The following ANO1 variants were observed in gnomAD, a reference collection of about 807,000 sequenced individuals.
ANO1 encodes anoctamin-1.
In ANO1, 59 loss-of-function variants were observed where a neutral mutation model predicts 124.0. The observed-to-expected ratio is 0.48, with a 90% CI of 0.39 to 0.59. The LOEUF (loss-of-function observed/expected upper bound fraction) is 0.59. Among genes scored for constraint, ANO1 ranks in the 20% least tolerant of loss-of-function variants. ANO1 has a pLI of 0.00. For synonymous variants in ANO1, 529 were observed against 532.0 expected (o/e 0.99, Z 0.08); for missense variants, 1,059 against 1,328.0 (o/e 0.80, Z 3.15).
rs1856486926 is a variant in ANO1, at chr11:70,006,546, C to CT, written c.58+20382dup. Among the ~76,000 whole-genome samples the CT allele has an allele frequency of 6.4e-5, 8 of 124,562 alleles. No individual in the cohort carries two copies. In the Admixed American group the frequency reaches 7.0e-4, roughly 11 times the overall value. The allele number at this position is 124,562 out of a possible 152,430, so 81.7% of individuals were successfully genotyped here. On this transcript the variant is annotated intron_variant, in intron 1 of 27. Coordinates refer to the ANO1 transcript ENST00000531349. Reference sequence around the variant, plus strand: ...ACAGCCTGTATTTCACTCTTTCTTTCTTCCTTTCTTTCTTTCTTTTCTTTC... The same window carrying CT: ...ACAGCCTGTATTTCACTCTTTCTTTCTTTCCTTTCTTTCTTTCTTTTCTTTC...
chr11:70,185,500 T>C (rs2049079358), intron 24 of ANO1, 90 bp from the exon 25 acceptor site: 2 of 1,224,516 alleles, frequency 1.6e-6, no homozygotes, highest in African/African-American at 3.0e-5. Flanking sequence ...AAGCTGAGCC[T>C]CTCCCAGGCG....
chr11:70,133,983 C>T (rs2046859520), intron 11 of ANO1, among the ~76,000 whole-genome samples: 1 of 152,232 alleles, frequency 6.6e-6, no homozygotes, highest in African/African-American at 2.4e-5. Context: ...CAGCTCTGAG[C>T]ATGGGTGCCG....
rs1463856235 is a variant in ANO1 at position 70,058,829 on chromosome 11, G to A, written c.59-19713G>A. ...GAAGATTGAAGACGGTAAGGGGTAT[G>A]AAGGTTCCACTGAATACCGAGAGCC... is the stretch of plus-strand genomic sequence containing the variant. On this transcript the variant is annotated intron_variant, in intron 1 of 27. Transcript: ENST00000531349. 2.0e-5 allele frequency among the ~76,000 whole-genome samples: 3 copies of A among 152,152 alleles called. No homozygotes were observed. The East Asian group carries it at 5.8e-4, about 29-fold the overall frequency.
In ANO1 at chr11:70,175,598, T is replaced by G. The variant is rs991883701; in HGVS notation, c.2351-4406T>G. ...CAGGTCCCTAGCCCTGGTTTCGACT[T>G]CCTGTTTTCTTCCTGGTTCTTCAGA... On this transcript the variant is annotated intron_variant, in intron 22 of 25. Coordinates refer to ENST00000355303, the MANE Select transcript of ANO1 (RefSeq NM_018043.7). 2.1e-4 allele frequency among the ~76,000 whole-genome samples: 32 copies of G among 152,224 alleles called. 1 individual carries two copies. Among genetic ancestry groups the G allele is most frequent in the Admixed American group, 6.5e-5 (1 of 15,282 alleles).
intron 7 of ANO1, among the ~76,000 whole-genome samples, chr11:70,113,161 C>T (rs571334017): frequency 1.3e-5 from 2 of 151,878 alleles, no homozygotes; most frequent in Middle Eastern, 3.4e-3. Flanking sequence ...ACCCACACCA[C>T]GCCTGCCTGT....
intron 1 of ANO1, among the ~76,000 whole-genome samples, chr11:70,019,126 G>A (rs1464250135): frequency 6.6e-6 from 1 of 152,150 alleles, no homozygotes; most frequent in Non-Finnish European, 1.5e-5. Flanking sequence ...AACAAATGTT[G>A]AGAGCCTGTT....
chr11:69,975,564 A>G, the ANO1 span, among the ~76,000 whole-genome samples: 1 of 152,214 alleles, frequency 6.6e-6, no homozygotes, highest in Non-Finnish European at 1.5e-5. Context: ...TCCTTCTAGC[A>G]CAGAAGCTTG....
chr11:70,096,624 G>A (rs1485281177), intron 2 of ANO1, among the ~76,000 whole-genome samples: 6 of 152,174 alleles, frequency 3.9e-5, no homozygotes, highest in Admixed American at 2.0e-4. Context: ...ACTTTGGGAG[G>A]CTGAGGTGGG....
chr11:70,053,560 C>T (rs1169075567), intron 1 of ANO1, among the ~76,000 whole-genome samples: 1 of 151,964 alleles, frequency 6.6e-6, no homozygotes, highest in Non-Finnish European at 1.5e-5. Flanking sequence ...AACTTACATC[C>T]CTGAAATAAG....
chr11:70,112,698 C>T (rs902492908), intron 7 of ANO1, among the ~76,000 whole-genome samples: 1 of 152,058 alleles, frequency 6.6e-6, no homozygotes, highest in Non-Finnish European at 1.5e-5. Flanking sequence ...GCTGGGACTT[C>T]AGGCGTGCAC....
At chr11:70,075,297 C>G (rs906572742), upstream of ANO1, 7 of 152,168 alleles carry the variant, frequency 4.6e-5, no homozygotes, top group Admixed American at 2.0e-4. Flanking sequence ...CTCCTGACAG[C>G]TTGTTGGTCT....
chr11:70,168,158 G>A (rs2048326618), intron 21 of ANO1, among the ~76,000 whole-genome samples: 1 of 152,172 alleles, frequency 6.6e-6, no homozygotes, highest in African/African-American at 2.4e-5. Flanking sequence ...GACTCTCCCT[G>A]ACCTGGTCAC....
At chr11:70,076,413 T>G (rs1555010010), upstream of ANO1, among the ~76,000 whole-genome samples, 1 of 151,084 alleles carries the variant, frequency 6.6e-6, no homozygotes, top group Non-Finnish European at 1.5e-5. Context: ...TGTCCAGATT[T>G]GGCCAAGTAT....
At chr11:70,121,179 C>CTTCT (rs59046968) in intron 8 of ANO1, among the ~76,000 whole-genome samples, 30,914 of 151,372 alleles carry the variant, frequency 0.2, 4,031 homozygotes, top group East Asian at 0.39. Context: ...TCCCTCCCTC[C>CTTCT]TTCTCTCCCC....
intron 24 of ANO1, among the ~76,000 whole-genome samples, chr11:70,185,175 CT>C (rs1174090855): frequency 6.6e-6 from 1 of 152,186 alleles, no homozygotes; most frequent in African/African-American, 2.4e-5. Flanking sequence ...ACCCCCCCGA[CT>C]TCAACCAAGT....
intron 1 of ANO1, among the ~76,000 whole-genome samples, chr11:69,994,014 T>C (rs1276059994): frequency 6.6e-6 from 1 of 151,938 alleles, no homozygotes; most frequent in Non-Finnish European, 1.5e-5. Context: ...AGTTGGTCAG[T>C]GTCACTCCCC....
At chr11:69,982,669 C>G (rs150991896), upstream of ANO1, among the ~76,000 whole-genome samples, 1 of 152,186 alleles carries the variant, frequency 6.6e-6, no homozygotes, top group Non-Finnish European at 1.5e-5. Flanking sequence ...TTGTTCCAGA[C>G]GGGACTGACT....
chr11:70,047,438 A>C (rs1378461957), intron 1 of ANO1, among the ~76,000 whole-genome samples: 1 of 152,238 alleles, frequency 6.6e-6, no homozygotes, highest in Non-Finnish European at 1.5e-5. Context: ...GATGAGAGAG[A>C]GAGCTAACAT....
chr11:70,127,105 C>T (rs2046550739), intron 10 of ANO1, among the ~76,000 whole-genome samples: 1 of 144,662 alleles, frequency 6.9e-6, no homozygotes, highest in Non-Finnish European at 1.5e-5. Context: ...CTAGAGGCCT[C>T]GGTGCAGTCT....
Sources: allele counts gnomAD v4.1 joint callset (sites outside exome capture counted in the v4.1 genomes callset), GRCh38; gene constraint gnomAD v4.1.1; transcripts MANE v1.5; gene names NCBI Gene and HGNC (gene_info 2026-07-23, HGNC 2026-07-21).